Variants in PITRM1 observed in about 807,000 individuals in gnomAD.
The protein encoded by PITRM1 is pitrilysin metallopeptidase 1.
PITRM1 carries 100 observed loss-of-function variants against 129.9 expected under a neutral mutation model. The ratio of observed to expected loss-of-function variants is 0.77; its 90% CI spans 0.65 to 0.91. The LOEUF is 0.91. PITRM1 is among the 40% of genes least tolerant of loss of function. The probability of loss-of-function intolerance (pLI) is 0.00; values close to 1 mark genes in which losing one functional copy is unlikely to be tolerated. For synonymous variants in PITRM1, 591 were observed against 508.8 expected (o/e 1.16, Z -2.17); for missense variants, 1,471 against 1,318.3 (o/e 1.12, Z -1.79).
chr10:3,158,125 A>G lies in PITRM1; in HGVS notation c.1165T>C (p.Phe389Leu). ...GYNGYTREAY[F>L]SVGLQGIAEK... ...GCAATCCCTTGGAGGCCGACACTAA[A>G]GTAGGCCTCCCTCGTGTAGCCATTA... Residue 389 changes from phenylalanine to leucine, a missense_variant, in exon 11 of 27, where the codon TTT becomes CTT. Transcript: ENST00000224949. 6.2e-7 allele frequency: 1 copy of G among 1,606,424 alleles called. No individual in the cohort carries two copies. Among genetic ancestry groups the G allele is most frequent in the Non-Finnish European group, 8.5e-7 (1 of 1,174,106 alleles).
chr10:3,155,518 AC>A, intron 14 of PITRM1, 72 bp downstream of exon 14: 1 of 1,576,036 alleles, frequency 6.3e-7, no homozygotes, highest in Non-Finnish European at 8.7e-7. Flanking sequence ...GCCTCCAACT[AC>A]TAACTCACTA....
At chr10:3,158,859 G>A in intron 10 of PITRM1, 55 bp downstream of exon 10, 3 of 1,569,866 alleles carry the variant, frequency 1.9e-6, no homozygotes, top group South Asian at 2.3e-5. Context: ...AGGTGGAGGA[G>A]CAAAACTGCC....
intron 1 of PITRM1, among the ~76,000 whole-genome samples, chr10:3,171,934 A>G (rs1368256700): frequency 3.9e-5 from 6 of 152,232 alleles, no homozygotes; most frequent in African/African-American, 1.4e-4. Flanking sequence ...TCCCACCGAA[A>G]TATTTATTTT....
intron 18 of PITRM1, 52 bp downstream of exon 18, chr10:3,147,935 C>CA: frequency 7.0e-7 from 1 of 1,423,126 alleles, no homozygotes; most frequent in Non-Finnish European, 9.9e-7. Context: ...GTACTTCAAA[C>CA]AAAGATCTCT....
chr10:3,152,390 T>G (rs1841598305), intron 14 of PITRM1, among the ~76,000 whole-genome samples: 1 of 152,144 alleles, frequency 6.6e-6, no homozygotes, highest in South Asian at 2.1e-4. Flanking sequence ...CAGACAGCAC[T>G]CCTGGTGTCT....
intron 6 of PITRM1, 150 bp from the exon 7 acceptor site, chr10:3,164,035 A>C (rs966341739): frequency 4.7e-6 from 2 of 425,360 alleles, no homozygotes; most frequent in Non-Finnish European, 8.2e-6. Context: ...AAAAAAAAAA[A>C]AAAACACCCA....
intron 13 of PITRM1, 112 bp from the exon 14 acceptor site, chr10:3,155,841 A>G: frequency 8.1e-7 from 1 of 1,236,446 alleles, no homozygotes; most frequent in Non-Finnish European, 1.1e-6. Flanking sequence ...CCACTTTCCC[A>G]CTTTAAAAAT....
At chr10:3,156,372 G>C (rs1841986243) in intron 13 of PITRM1, among the ~76,000 whole-genome samples, 1 of 152,204 alleles carries the variant, frequency 6.6e-6, no homozygotes, top group South Asian at 2.1e-4. Flanking sequence ...TACAACAGCT[G>C]AGAGAAACTG....
Position 3,160,254 on chromosome 10 carries a change from T to C in PITRM1, c.868A>G (p.Lys290Glu). Residue 290 changes from lysine to glutamate, a missense_variant, in exon 8 of 27, where the codon AAA becomes GAA. Coordinates refer to ENST00000224949, the MANE Select transcript of PITRM1 (RefSeq NM_014889.4). Reference protein sequence around the residue: ...IHEEALSKFQKIEPSTVVPAQ... With the variant: ...IHEEALSKFQEIEPSTVVPAQ... ...GGCACCACGGTGCTTGGTTCAATTT[T>C]CTGGAATTTGCTCAGTGCTTCCTCG... is the stretch of plus-strand genomic sequence containing the variant. 2 of 1,613,976 alleles carry C rather than the reference T, an allele frequency of 1.2e-6. No individual in the cohort carries two copies. The highest frequency in any genetic ancestry group is 2.2e-5 in the East Asian group (1 of 44,882).
chr10:3,158,042 A>T lies in PITRM1; in HGVS notation c.1248T>A (p.Val416=). The stretch of plus-strand genomic sequence containing the variant: ...TGTTACAAACAAGCTACACTCACTC[A>T]ACTACTTCATCAATCGTTCTGTCTA... ...SLIDRTIDEV[V]EKGFEDDRIE... Residue 416 remains valine (V), a splice_region_variant and synonymous_variant, in exon 11 of 27, where the codon GTT becomes GTA. Coordinates refer to ENST00000224949, the MANE Select transcript of PITRM1 (RefSeq NM_014889.4). 6.3e-7 allele frequency: 1 copy of T among 1,575,868 alleles called. No homozygotes were observed. Among genetic ancestry groups the T allele is most frequent in the African/African-American group, 1.3e-5 (1 of 74,406 alleles).
intron 15 of PITRM1, among the ~76,000 whole-genome samples, chr10:3,150,396 A>G (rs75083716): frequency 0.015 from 2,276 of 151,852 alleles, 56 homozygotes; most frequent in African/African-American, 0.05. Context: ...TTCCACTCAC[A>G]TGCGCCCACA....
intron 21 of PITRM1, among the ~76,000 whole-genome samples, 176 bp from the exon 22 acceptor site, chr10:3,144,542 G>A (rs1156740168): frequency 6.6e-6 from 1 of 152,204 alleles, no homozygotes; most frequent in Admixed American, 6.5e-5. Flanking sequence ...AGTGGCTCAT[G>A]CCTATAATGC....
rs1841488584 is a variant in PITRM1, at chr10:3,151,265, ACT to A, written c.1718_1719del (p.Glu573ValfsTer58). The A allele has an allele frequency of 6.2e-7, 1 of 1,601,070 alleles. No individual in the cohort carries two copies. Among genetic ancestry groups the A allele is most frequent in the Non-Finnish European group, 8.5e-7 (1 of 1,171,160 alleles). On this transcript the variant is annotated frameshift_variant, in exon 15 of 27. Transcript: ENST00000224949. LOFTEE classifies it high-confidence loss of function. The stretch of plus-strand genomic sequence containing the variant: ...CAGTGACCTGTCAGGACCACGTCCA[ACT>A]CTGTGACAGGTATGGTGGGTTCAAT... ...SDIEPTIPVT[E>X]LDVVLTAGDI...
intron 21 of PITRM1, 173 bp downstream of exon 21, chr10:3,145,423 A>T (rs1840750418): frequency 8.0e-6 from 5 of 625,984 alleles, no homozygotes; most frequent in Non-Finnish European, 1.1e-5. Context: ...AACTGGCCCA[A>T]CACTGCACAA....
chr10:3,161,498 T>C (rs1014020646), intron 7 of PITRM1, among the ~76,000 whole-genome samples: 2 of 152,214 alleles, frequency 1.3e-5, no homozygotes, highest in African/African-American at 4.8e-5. Context: ...CTCTAGAATT[T>C]AGAAACAAAT....
chr10:3,137,952 C>T lies in PITRM1; in HGVS notation c.*79G>A, dbSNP rs1450420093. The T allele has an allele frequency of 1.6e-5, 13 of 821,026 alleles. No homozygotes were observed. The highest frequency in any genetic ancestry group is 2.6e-5 in the Non-Finnish European group (13 of 505,874). The allele number at this position is 821,026 out of a possible 1,614,324, so 50.9% of individuals were successfully genotyped here. On this transcript the variant is annotated 3_prime_UTR_variant, in exon 27 of 27. Transcript: ENST00000224949. ...AATGACATAATATTCTTGGAAAAAG[C>T]AGTAGCATTTCTGACTTTTCATATT...
chr10:3,157,428 C>T lies in PITRM1; in HGVS notation c.1347+7G>A. 2 of 1,555,242 alleles carry T rather than the reference C, an allele frequency of 1.3e-6. No individual in the cohort carries two copies. The highest frequency in any genetic ancestry group is 1.8e-6 in the Non-Finnish European group (2 of 1,139,694). On this transcript the variant is annotated splice_region_variant and intron_variant, in intron 12 of 26. Transcript: ENST00000224949. ...AACAAAAACAAAATTGTTGAGAGAT[C>T]ACTTACTGATGTCAGCATCAGCCCA... is the stretch of plus-strand genomic sequence containing the variant.
At position 3,144,167 on chromosome 10, in the gene PITRM1, G is replaced by A. The variant is rs73577196; in HGVS notation, c.2532+125C>T. 4,826 of 636,296 alleles carry A rather than the reference G, an allele frequency of 7.6e-3. 155 individuals are homozygous for A. The African/African-American group carries it at 0.078, about 10-fold the overall frequency. The allele number at this position is 636,296 out of a possible 1,614,324, so 39.4% of individuals were successfully genotyped here. A position where few individuals can be genotyped will look rare whatever the true frequency, so the allele number is the denominator to read the frequency against. ...CAGTGACAAAGGATGCACTGAACTC[G>A]CAACTCTAGGGACACGCCAGCCCCA... On this transcript the variant is annotated intron_variant, in intron 22 of 26. Transcript: ENST00000224949.
At chr10:3,151,516 A>G (rs1841515865) in intron 14 of PITRM1, among the ~76,000 whole-genome samples, 153 bp from the exon 15 acceptor site, 1 of 152,176 alleles carries the variant, frequency 6.6e-6, no homozygotes. Flanking sequence ...AGTATCTCCT[A>G]TTTCCAGGCT....
Sources: allele counts gnomAD v4.1 joint callset (sites outside exome capture counted in the v4.1 genomes callset), GRCh38; gene constraint gnomAD v4.1.1; transcripts MANE v1.5; gene names NCBI Gene and HGNC (gene_info 2026-07-23, HGNC 2026-07-21).